PCDHGA8: variants seen among roughly 807,000 people sequenced by gnomAD.
The protein encoded by PCDHGA8 is protocadherin gamma subfamily A, 8.
A neutral mutation model predicts 59.2 loss-of-function variants in PCDHGA8; 45 were observed. The ratio of observed to expected loss-of-function variants is 0.76; its 90% confidence interval spans 0.60 to 0.98. The LOEUF is 0.98. Ranked by LOEUF, PCDHGA8 falls within the 50% of genes least tolerant of loss-of-function variation. The probability of loss-of-function intolerance (pLI) is 0.00; values close to 1 mark genes in which losing one functional copy is unlikely to be tolerated. For missense variants in PCDHGA8, 1,257 were observed against 1,196.2 expected, an observed-to-expected ratio of 1.05 and a Z score of -0.75; for synonymous variants, 531 against 519.0, an observed-to-expected ratio of 1.02 and a Z score of -0.32.
intron 1 of PCDHGA8, chr5:141,418,063 G>C (rs2015825): frequency 1.9e-6 from 3 of 1,613,754 alleles, no homozygotes; most frequent in Admixed American, 1.7e-5. Flanking sequence ...AGCTGCGAGT[G>C]AGCGCGGAGA....
intron 1 of PCDHGA8, among the ~76,000 whole-genome samples, chr5:141,459,962 C>T (rs994878993): frequency 5.3e-5 from 8 of 152,290 alleles, no homozygotes; most frequent in South Asian, 2.1e-4. Flanking sequence ...CCTGTAATCC[C>T]AGCTACTCAG....
At chr5:141,404,319 C>T in intron 1 of PCDHGA8, 3 of 1,613,900 alleles carry the variant, frequency 1.9e-6, no homozygotes, top group East Asian at 4.5e-5. Context: ...TCTCAAGCCT[C>T]CTACTCAGTC....
intron 1 of PCDHGA8, among the ~76,000 whole-genome samples, chr5:141,444,408 T>G (rs1591815532): frequency 6.6e-6 from 1 of 152,124 alleles, no homozygotes; most frequent in East Asian, 1.9e-4. Context: ...CAACCTCAGG[T>G]GATCTTCCCT....
Position 141,431,412 on chromosome 5 carries a change from GC to G in PCDHGA8, c.2424+36176del. ...CTGGTCCTTACGGCCTCCGACGGGG[GC>G]GACCCGGTGCGCACAGGCACCGCGC... On this transcript the variant is annotated intron_variant, in intron 1 of 3. Coordinates refer to ENST00000398604, the MANE Select transcript of PCDHGA8 (RefSeq NM_032088.2). The surrounding 1 kb of genome is among the most constrained non-coding windows in gnomAD (Gnocchi z 4.8). The G allele has an allele frequency of 6.2e-7, 1 of 1,613,714 alleles. No homozygotes were observed. Among genetic ancestry groups the G allele is most frequent in the Non-Finnish European group, 8.5e-7 (1 of 1,180,050 alleles).
rs1304554303 is a variant in PCDHGA8, at chr5:141,403,611, C to G, written c.2424+8374C>G. 3 of 1,613,860 alleles carry G rather than the reference C, an allele frequency of 1.9e-6. No homozygotes were observed. The highest frequency in any genetic ancestry group is 2.5e-6 in the Non-Finnish European group (3 of 1,179,892). Reference sequence around the variant, plus strand: ...CTCACGGCCTCGGATGGCGGCGAGCCGCGTCGCTCCAGCACAGTGCGCATC... The same window carrying G: ...CTCACGGCCTCGGATGGCGGCGAGCGGCGTCGCTCCAGCACAGTGCGCATC... On this transcript the variant is annotated intron_variant, in intron 1 of 3. Transcript: ENST00000398604.
chr5:141,403,687 G>A, intron 1 of PCDHGA8: 1 of 1,613,872 alleles, frequency 6.2e-7, no homozygotes, highest in East Asian at 2.2e-5. Context: ...TTGCTCAACG[G>A]ATTTACCGAG....
At chr5:141,419,781 G>C (rs1331740421) in intron 1 of PCDHGA8, 1 of 1,614,032 alleles carries the variant, frequency 6.2e-7, no homozygotes. Context: ...GTCCGCCAGC[G>C]CCTGCTAGTC....
intron 1 of PCDHGA8, chr5:141,409,549 C>T: frequency 6.2e-7 from 1 of 1,614,004 alleles, no homozygotes; most frequent in Non-Finnish European, 8.5e-7. Context: ...ACGACAACGC[C>T]CCAGTTTTCG....
In PCDHGA8 at chr5:141,490,858, G is replaced by C. The variant is rs775132338; in HGVS notation, c.2425-3949G>C. On this transcript the variant is annotated intron_variant, in intron 1 of 3. Coordinates refer to ENST00000398604, the MANE Select transcript of PCDHGA8 (RefSeq NM_032088.2). The surrounding 1 kb of genome is among the most constrained non-coding windows in gnomAD (Gnocchi z 5.4). ...GATTGTGGTGGGGGTTCGAGACTCC[G>C]GCTCTCCCCCATTGCATGCCAACAC... The C allele has an allele frequency of 1.5e-5, 24 of 1,613,704 alleles. 1 individual carries two copies. Among genetic ancestry groups the C allele is most frequent in the Non-Finnish European group, 2.0e-5 (24 of 1,179,918 alleles).
intron 1 of PCDHGA8, chr5:141,427,774 G>C: frequency 7.0e-7 from 1 of 1,420,908 alleles, no homozygotes; most frequent in Non-Finnish European, 9.8e-7. Context: ...TTGGAGCTGC[G>C]GGCACTGTCG....
At chr5:141,404,408 A>C (rs2154535328) in intron 1 of PCDHGA8, 1 of 1,613,900 alleles carries the variant, frequency 6.2e-7, no homozygotes, top group East Asian at 2.2e-5. Flanking sequence ...TGAGAATTCT[A>C]GAGTTATTTA....
At position 141,490,707 on chromosome 5, in the gene PCDHGA8, C is replaced by T; in HGVS notation, c.2425-4100C>T. ...CAGACACTGGGGATAATGCCCGCCT[C>T]ACCTACTCCATTGTAGGAAATCAGG... On this transcript the variant is annotated intron_variant, in intron 1 of 3. Transcript: ENST00000398604. The surrounding 1 kb of genome is among the most constrained non-coding windows in gnomAD (Gnocchi z 5.4). The T allele has an allele frequency of 3.1e-6, 5 of 1,614,194 alleles. No individual in the cohort carries two copies. Among genetic ancestry groups the T allele is most frequent in the Non-Finnish European group, 3.4e-6 (4 of 1,180,008 alleles).
chr5:141,421,592 T>C (rs1590304832), intron 1 of PCDHGA8: 1 of 1,613,272 alleles, frequency 6.2e-7, no homozygotes, highest in Non-Finnish European at 8.5e-7. Context: ...GGAGTGGAGG[T>C]GGAAATAATA....
intron 1 of PCDHGA8, chr5:141,419,506 C>A (rs527369615): frequency 6.2e-6 from 10 of 1,612,352 alleles, no homozygotes; most frequent in Middle Eastern, 1.7e-4. Context: ...TGAGCCTGCG[C>A]GTGTTGGTGG....
Position 141,392,757 on chromosome 5 carries a change from AAT to A in PCDHGA8, c.-55_-54del. On this transcript the variant is annotated 5_prime_UTR_variant, in exon 1 of 4. Coordinates refer to ENST00000398604, the MANE Select transcript of PCDHGA8 (RefSeq NM_032088.2). ...TCTCCATAGCTGCGGCAAGAAACTAAATAAGACCCATTTATGCACAGTGAAGA... is the reference window on the plus strand; with the variant it reads ...TCTCCATAGCTGCGGCAAGAAACTAAAAGACCCATTTATGCACAGTGAAGA... 6.8e-7 allele frequency: 1 copy of A among 1,471,072 alleles called. No homozygotes were observed. The highest frequency in any genetic ancestry group is 1.4e-5 in the African/African-American group (1 of 70,614). The allele number at this position is 1,471,072 out of a possible 1,614,324, so 91.1% of individuals were successfully genotyped here.
intron 1 of PCDHGA8, among the ~76,000 whole-genome samples, chr5:141,444,062 A>G (rs1335403906): frequency 6.7e-6 from 1 of 149,402 alleles, no homozygotes; most frequent in African/African-American, 2.5e-5. Context: ...TTCAATCTAG[A>G]TTCTGATGCT....
rs747585516 is a variant in PCDHGA8, at chr5:141,409,120, A to G, written c.2424+13883A>G. ...CAGGTATGATTAAGAATAACCAGTC[A>G]TTTGATTTTGAAGATGTAGAAAGGT... On this transcript the variant is annotated intron_variant, in intron 1 of 3. Transcript: ENST00000398604. 6 of 1,613,844 alleles carry G rather than the reference A, an allele frequency of 3.7e-6. No homozygotes were observed. The African/African-American group carries it at 8.0e-5, about 22-fold the overall frequency.
rs1185020546 is a variant in PCDHGA8, at chr5:141,485,472, C to A, written c.2425-9335C>A. 3 of 1,614,138 alleles carry A rather than the reference C, an allele frequency of 1.9e-6. No homozygotes were observed. Among genetic ancestry groups the A allele is most frequent in the Non-Finnish European group, 2.5e-6 (3 of 1,180,022 alleles). On this transcript the variant is annotated intron_variant, in intron 1 of 3. Transcript: ENST00000398604. The surrounding 1 kb of genome is among the most constrained non-coding windows in gnomAD (Gnocchi z 5.7). The stretch of plus-strand genomic sequence containing the variant: ...CGAGAGGCACTGTGTGGGCTCAGTG[C>A]CAGCTGCATCGTGCCCCTGGAGTTT...
intron 1 of PCDHGA8, among the ~76,000 whole-genome samples, chr5:141,402,210 TTAAAA>T (rs1240114840): frequency 6.6e-6 from 1 of 152,008 alleles, no homozygotes; most frequent in African/African-American, 2.4e-5. Context: ...ATACAAAAAT[TTAAAA>T]TAAACGTTTT....
Sources: gnomAD v4.1 joint callset for allele counts (sites outside exome capture counted in the v4.1 genomes callset) on GRCh38, gnomAD v4.1.1 for gene constraint, Gnocchi (gnomAD v3.1) non-coding constraint, MANE v1.5 for transcripts, NCBI Gene and HGNC (gene_info 2026-07-23, HGNC 2026-07-21) for gene names.